THUMPD2: variants seen among roughly 807,000 people sequenced by gnomAD.
The protein encoded by THUMPD2 is U6 snRNA (guanine-N(2))-methyltransferase THUMPD2.
THUMPD2 carries 56 observed loss-of-function variants against 49.4 expected under a neutral mutation model. The observed-to-expected ratio is 1.13, with a 90% CI of 0.91 to 1.41. THUMPD2 has a LOEUF of 1.41. Among genes scored for constraint, THUMPD2 ranks in the 40% most tolerant of loss-of-function variants. The pLI, the probability that THUMPD2 is intolerant of heterozygous loss-of-function variation, is 0.00. For synonymous variants in THUMPD2, 237 were observed against 205.2 expected (o/e 1.15, Z -1.32); for missense variants, 709 against 594.5 (o/e 1.19, Z -2.00).
At chr2:39,742,619 GC>G (rs771334404) in intron 9 of THUMPD2, among the ~76,000 whole-genome samples, 2 of 152,132 alleles carry the variant, frequency 1.3e-5, no homozygotes, top group African/African-American at 2.4e-5. Context: ...GTAAATCGTT[GC>G]TCACACATTA....
At chr2:39,775,825 G>A (rs1472605117) in intron 1 of THUMPD2, among the ~76,000 whole-genome samples, 1 of 146,534 alleles carries the variant, frequency 6.8e-6, no homozygotes, top group African/African-American at 2.5e-5. Context: ...AAATCTTTAA[G>A]GCAACCTTAT....
chr2:39,749,159 A>C (rs1675042656), intron 8 of THUMPD2, among the ~76,000 whole-genome samples: 1 of 152,180 alleles, frequency 6.6e-6, no homozygotes, highest in African/African-American at 2.4e-5. Flanking sequence ...GTTGTGGCCC[A>C]CCAAAGTAAT....
chr2:39,765,985 G>A (rs1234937236), intron 5 of THUMPD2, 72 bp downstream of exon 5: 21 of 1,225,448 alleles, frequency 1.7e-5, no homozygotes, highest in Non-Finnish European at 2.2e-5. Context: ...CATTCATGCT[G>A]TAAATAAAAA....
chr2:39,736,252 CAT>C lies in THUMPD2; in HGVS notation c.*481_*482del, dbSNP rs1673069700. 1.3e-5 allele frequency: 2 copies of C among 153,048 alleles called. No individual in the cohort carries two copies. Among genetic ancestry groups the C allele is most frequent in the African/African-American group, 4.8e-5 (2 of 41,538 alleles). 9.5% of individuals were successfully genotyped at this position (153,048 alleles called of 1,614,324 possible). ...TCTCACTGTTGGTTTACATAATAAACATATAAAATGTATTGCAAATACAAATT... is the reference window on the plus strand; with the variant it reads ...TCTCACTGTTGGTTTACATAATAAACATAAAATGTATTGCAAATACAAATT... On this transcript the variant is annotated 3_prime_UTR_variant, in exon 10 of 10. Transcript: ENST00000505747.
At chr2:39,744,971 G>A (rs1385296644) in intron 8 of THUMPD2, among the ~76,000 whole-genome samples, 1 of 152,036 alleles carries the variant, frequency 6.6e-6, no homozygotes, top group South Asian at 2.1e-4. Context: ...TAGAGAAAAG[G>A]CTACATAATC....
Position 39,736,527 on chromosome 2 carries a change from A to G in THUMPD2, c.*208T>C, listed in dbSNP as rs8265. The G allele has an allele frequency of 0.58, 248,748 of 428,210 alleles. 76,049 individuals are homozygous for G. The highest frequency in any genetic ancestry group is 0.83 in the African/African-American group (41,243 of 49,582). 26.5% of individuals were successfully genotyped at this position (428,210 alleles called of 1,614,324 possible). A position where few individuals can be genotyped will look rare whatever the true frequency, so the allele number is the denominator to read the frequency against. The stretch of plus-strand genomic sequence containing the variant: ...AAAACTTAAGTCTAAAAAATATTCG[A>G]TAACTTTTTTCTCAAAAACATTAAG... On this transcript the variant is annotated 3_prime_UTR_variant, in exon 10 of 10. Transcript: ENST00000505747.
At position 39,769,713 on chromosome 2, in the gene THUMPD2, T is replaced by G; in HGVS notation, c.669A>C (p.Ala223=). 6.4e-7 allele frequency: 1 copy of G among 1,556,926 alleles called. No individual in the cohort carries two copies. The highest frequency in any genetic ancestry group is 8.6e-7 in the Non-Finnish European group (1 of 1,159,440). ...CSGTIGKAFT[A]QEVGKVIGIA... is the part of the protein sequence containing the mutation. Reference sequence around the variant, plus strand: ...CCACTTTAGGATGCAAGCATACCTGTGCAGTGAAGGCCTTTCCAATAGTTC... The same window carrying G: ...CCACTTTAGGATGCAAGCATACCTGGGCAGTGAAGGCCTTTCCAATAGTTC... The change falls in exon 3 of 10, where the codon GCA becomes GCC. Residue 223 remains alanine, a synonymous_variant. Coordinates refer to ENST00000505747, the MANE Select transcript of THUMPD2 (RefSeq NM_025264.5).
chr2:39,764,361 C>A (rs1677230582), intron 5 of THUMPD2, among the ~76,000 whole-genome samples: 1 of 152,094 alleles, frequency 6.6e-6, no homozygotes, highest in Admixed American at 6.5e-5. Context: ...TGATAACTTG[C>A]CCAAACTTGC....
chr2:39,779,168 G>C lies in THUMPD2; in HGVS notation c.72C>G (p.Arg24=). 3 of 1,520,504 alleles carry C rather than the reference G, an allele frequency of 2.0e-6. No individual in the cohort carries two copies. Among genetic ancestry groups the C allele is most frequent in the Non-Finnish European group, 2.6e-6 (3 of 1,139,524 alleles). 94.2% of individuals were successfully genotyped at this position (1,520,504 alleles called of 1,614,324 possible). Reference sequence around the variant, plus strand: ...CTCGCATTACGAACGGCTCCAGGCCGCGACCCGCAGTGCAGAAGAATCGGG... The same window carrying C: ...CTCGCATTACGAACGGCTCCAGGCCCCGACCCGCAGTGCAGAAGAATCGGG... The part of the protein sequence containing the change: ...AGARFFCTAG[R]GLEPFVMREV... Residue 24 remains arginine, a synonymous_variant, in exon 1 of 10, where the codon CGC becomes CGG. Coordinates refer to ENST00000505747, the MANE Select transcript of THUMPD2 (RefSeq NM_025264.5).
chr2:39,759,014 GTC>G lies in THUMPD2; in HGVS notation c.891+2315_891+2316del, dbSNP rs150772676. Among the ~76,000 whole-genome samples, 132 of 152,174 alleles carry G rather than the reference GTC, an allele frequency of 8.7e-4. 1 individual carries two copies. In the East Asian group the frequency reaches 0.017, roughly 19 times the overall value. On this transcript the variant is annotated intron_variant, in intron 6 of 9. Coordinates refer to ENST00000505747, the MANE Select transcript of THUMPD2 (RefSeq NM_025264.5). The stretch of plus-strand genomic sequence containing the variant: ...ATATAAATAAATTAAAATAGAGCAT[GTC>G]TCTGTGACTCTTGTAATTTGGAAGA...
intron 9 of THUMPD2, among the ~76,000 whole-genome samples, chr2:39,741,203 T>A: frequency 6.6e-6 from 1 of 152,216 alleles, no homozygotes; most frequent in East Asian, 1.9e-4. Flanking sequence ...TTCCCTTTCG[T>A]ATGTGAACCT....
Position 39,755,204 on chromosome 2 carries a change from C to T in THUMPD2, c.1078+91G>A, listed in dbSNP as rs906267585. 5.8e-6 allele frequency: 5 copies of T among 858,616 alleles called. No individual in the cohort carries two copies. The African/African-American group carries it at 7.4e-5, about 13-fold the overall frequency. The allele number at this position is 858,616 out of a possible 1,614,324, so 53.2% of individuals were successfully genotyped here. On this transcript the variant is annotated intron_variant, in intron 8 of 9. Transcript: ENST00000505747. ...CAGATATATTAAAGGGTAAAACCAA[C>T]CTTTACATAGTGAGACTTGTTTTAT...
In THUMPD2 at chr2:39,744,473, G is replaced by T; in HGVS notation, c.1084C>A (p.Pro362Thr). Reference protein sequence around the residue: ...ELLKISVIELPLPSESVDIII... With the variant: ...ELLKISVIELTLPSESVDIII... ...ATATCAACACTTTCTGAAGGCAATG[G>T]CAATTCTGAAATATAGAAATCAGAG... Residue 362 changes from proline (P) to threonine (T), a missense_variant, in exon 9 of 10, where the codon CCA becomes ACA. By Grantham distance (38) the Pro-to-Thr change is conservative. Coordinates refer to ENST00000505747, the MANE Select transcript of THUMPD2 (RefSeq NM_025264.5). 6.4e-7 allele frequency: 1 copy of T among 1,559,216 alleles called. No individual in the cohort carries two copies. The highest frequency in any genetic ancestry group is 8.7e-7 in the Non-Finnish European group (1 of 1,155,170).
In THUMPD2 at chr2:39,768,911, T is replaced by G. The variant is rs190112186; in HGVS notation, c.673-410A>C. On this transcript the variant is annotated intron_variant, in intron 3 of 9. Coordinates refer to ENST00000505747, the MANE Select transcript of THUMPD2 (RefSeq NM_025264.5). ...TATCATTAGACTCACCCTTTAGGGT[T>G]TGACTGATTTTAAGGTTGATAAAGT... 6 of 1,301,180 alleles carry G rather than the reference T, an allele frequency of 4.6e-6. No homozygotes were observed. The Admixed American group carries it at 1.1e-4, about 25-fold the overall frequency. 80.6% of individuals were successfully genotyped at this position (1,301,180 alleles called of 1,614,324 possible).
At chr2:39,745,520 A>G (rs1469540989) in intron 8 of THUMPD2, among the ~76,000 whole-genome samples, 6 of 152,212 alleles carry the variant, frequency 3.9e-5, no homozygotes, top group Admixed American at 1.3e-4. Context: ...CAAAATGACT[A>G]AAGACAATAA....
chr2:39,746,966 A>G (rs113072022), intron 8 of THUMPD2, among the ~76,000 whole-genome samples: 39 of 152,308 alleles, frequency 2.6e-4, no homozygotes, highest in African/African-American at 8.9e-4. Flanking sequence ...ACTTAGTTCT[A>G]CAGTTAAATT....
chr2:39,773,038 A>G (rs555870291), intron 1 of THUMPD2, among the ~76,000 whole-genome samples: 1 of 152,328 alleles, frequency 6.6e-6, no homozygotes, highest in African/African-American at 2.4e-5. Flanking sequence ...TATGGGAGGA[A>G]GCAGGGAATG....
At chr2:39,773,489 G>T (rs1312843874) in intron 1 of THUMPD2, among the ~76,000 whole-genome samples, 1 of 147,290 alleles carries the variant, frequency 6.8e-6, no homozygotes, top group Non-Finnish European at 1.5e-5. Flanking sequence ...CAAACATCAA[G>T]GGAAGCATTT....
intron 8 of THUMPD2, among the ~76,000 whole-genome samples, chr2:39,745,975 A>G (rs1448891591): frequency 1.3e-5 from 2 of 152,200 alleles, no homozygotes; most frequent in African/African-American, 4.8e-5. Flanking sequence ...TTGGGAAATT[A>G]CTGCTTCAGT....
Sources: gnomAD v4.1 joint callset for allele counts (sites outside exome capture counted in the v4.1 genomes callset) on GRCh38, gnomAD v4.1.1 for gene constraint, MANE v1.5 for transcripts, NCBI Gene and HGNC (gene_info 2026-07-23, HGNC 2026-07-21) for gene names.